Variants in ALDH18A1 observed in about 807,000 individuals in gnomAD.
ALDH18A1 encodes the protein aldehyde dehydrogenase 18 family member A1, also known as delta-1-pyrroline-5-carboxylate synthase.
In ALDH18A1, 44 loss-of-function variants were observed where a neutral mutation model predicts 88.8. The ratio of observed to expected loss-of-function variants is 0.50; its 90% CI spans 0.39 to 0.64. The LOEUF is 0.64. Among genes scored for constraint, ALDH18A1 ranks in the 30% least tolerant of loss-of-function variants. The pLI is 0.00. For synonymous variants in ALDH18A1, 331 were observed against 372.1 expected (o/e 0.89, Z 1.27); for missense variants, 782 against 1,009.5 (o/e 0.77, Z 3.05).
chr10:95,607,056 C>CA, intron 17 of ALDH18A1, 113 bp from the exon 18 acceptor site: 1 of 1,073,210 alleles, frequency 9.3e-7, no homozygotes, highest in South Asian at 1.3e-5. Context: ...TTCCTGCTAA[C>CA]TCCTCATCCA....
In ALDH18A1 at chr10:95,621,164, G is replaced by T; in HGVS notation, c.1334C>A (p.Ala445Asp). ...ACGTCCCACGCTGTCCTGGGAGGAG[G>T]CTGCGATCTGTCGCAGACCGATGGC... ...SLAIGLRQIA[A>D]SSQDSVGRVL... Residue 445 changes from alanine to aspartate, a missense_variant, in exon 12 of 18, where the codon GCC (alanine) becomes GAC (aspartate). By Grantham distance (126) the Ala-to-Asp change is moderately radical. Around this residue, in one of 3 missense-constraint regions of ALDH18A1, gnomAD observed 556 missense variants for 654.5 expected, o/e 0.85. Transcript: ENST00000371224. 2.5e-6 allele frequency: 4 copies of T among 1,614,102 alleles called. No homozygotes were observed. The highest frequency in any genetic ancestry group is 2.5e-6 in the Non-Finnish European group (3 of 1,180,022).
chr10:95,618,213 C>A (rs756675413), intron 12 of ALDH18A1, among the ~76,000 whole-genome samples: 11 of 152,122 alleles, frequency 7.2e-5, no homozygotes, highest in Non-Finnish European at 1.3e-4. Context: ...AAAGTGGGGC[C>A]ACTCTCTAAT....
Position 95,611,287 on chromosome 10 carries a change from G to A in ALDH18A1, c.2079C>T (p.Ser693=). Residue 693 remains serine, a synonymous_variant, in exon 16 of 18, where the codon AGC becomes AGT. Coordinates refer to ENST00000371224, the MANE Select transcript of ALDH18A1 (RefSeq NM_002860.4). Reference sequence around the variant, plus strand: ...CTGTGACGATGACATCCGTGTGGGAGCTGCCATACTTGTGGATGTGGTCAA... The same window carrying A: ...CTGTGACGATGACATCCGTGTGGGAACTGCCATACTTGTGGATGTGGTCAA... ...DAIDHIHKYG[S]SHTDVIVTED... 6.2e-7 allele frequency: 1 copy of A among 1,614,036 alleles called. No individual in the cohort carries two copies. Among genetic ancestry groups the A allele is most frequent in the Non-Finnish European group, 8.5e-7 (1 of 1,180,018 alleles).
At chr10:95,640,803 G>A (rs749031447) in intron 3 of ALDH18A1, among the ~76,000 whole-genome samples, 1 of 152,142 alleles carries the variant, frequency 6.6e-6, no homozygotes, top group Non-Finnish European at 1.5e-5. Flanking sequence ...AAAGAAAGCT[G>A]GTAACCTACG....
Position 95,621,211 on chromosome 10 carries a change from GGA to G in ALDH18A1, c.1285_1286del (p.Ser429HisfsTer52). ...TGGCCAGGCTGTTCAATTTGGATGT[GGA>G]GAGGCTTAAACGTTTCAGCAGAGGA... ...AAPLLKRLSL[S>X]TSKLNSLAIG... On this transcript the variant is annotated frameshift_variant, in exon 12 of 18. Coordinates refer to ENST00000371224, the MANE Select transcript of ALDH18A1 (RefSeq NM_002860.4). LOFTEE classifies it high-confidence loss of function. 1 of 1,613,980 alleles carries G rather than the reference GGA, an allele frequency of 6.2e-7. No individual in the cohort carries two copies. Among genetic ancestry groups the G allele is most frequent in the Non-Finnish European group, 8.5e-7 (1 of 1,179,974 alleles).
intron 12 of ALDH18A1, among the ~76,000 whole-genome samples, chr10:95,618,835 G>A (rs1225562972): frequency 6.6e-6 from 1 of 152,150 alleles, no homozygotes; most frequent in African/African-American, 2.4e-5. Flanking sequence ...ACTGTGGTAT[G>A]GTAGGTTGAT....
At chr10:95,642,954 C>T (rs1421470052) in intron 3 of ALDH18A1, 38 bp downstream of exon 3, 2 of 1,608,132 alleles carry the variant, frequency 1.2e-6, no homozygotes, top group East Asian at 4.5e-5. Context: ...CTTAAAAACC[C>T]AATTTTAGTA....
At chr10:95,620,766 A>G (rs2097850916) in intron 12 of ALDH18A1, among the ~76,000 whole-genome samples, 1 of 149,824 alleles carries the variant, frequency 6.7e-6, no homozygotes, top group South Asian at 2.2e-4. Context: ...CAGGGTGGGG[A>G]ACATCACACA....
At chr10:95,629,650 A>C (rs1410256788) in intron 7 of ALDH18A1, among the ~76,000 whole-genome samples, 2 of 152,218 alleles carry the variant, frequency 1.3e-5, no homozygotes, top group Non-Finnish European at 2.9e-5. Context: ...ATATTAGTAC[A>C]GGAAAGATTG....
intron 17 of ALDH18A1, among the ~76,000 whole-genome samples, chr10:95,607,709 T>C (rs543529812): frequency 6.6e-6 from 1 of 152,104 alleles, no homozygotes; most frequent in South Asian, 2.1e-4. Flanking sequence ...TCAAGTGCAG[T>C]GATGGGTGCT....
rs191166642 is a variant in ALDH18A1, at chr10:95,619,128, A to G, written c.1467+1903T>C. The stretch of plus-strand genomic sequence containing the variant: ...ACAAAATCAATGTGCAAAAATCACA[A>G]GCATTCCTATACATCAGTAACAGAC... On this transcript the variant is annotated intron_variant, in intron 12 of 17. Transcript: ENST00000371224. 1.8e-3 allele frequency among the ~76,000 whole-genome samples: 274 copies of G among 152,352 alleles called. 5 individuals are homozygous for G. The highest frequency in any genetic ancestry group is 6.1e-3 in the African/African-American group (253 of 41,584).
intron 14 of ALDH18A1, 51 bp downstream of exon 14, chr10:95,613,915 A>G: frequency 1.2e-6 from 2 of 1,614,248 alleles, no homozygotes; most frequent in African/African-American, 1.3e-5. Context: ...CCAGAGCTGC[A>G]GAGGATGTAA....
In ALDH18A1 at chr10:95,656,584, G is replaced by C. The variant is rs2097918482; in HGVS notation, c.-29+13C>G. The C allele has an allele frequency of 6.6e-6, 1 of 152,494 alleles. No individual in the cohort carries two copies. Among genetic ancestry groups the C allele is most frequent in the South Asian group, 2.1e-4 (1 of 4,838 alleles). The allele number at this position is 152,494 out of a possible 1,614,324, so 9.4% of individuals were successfully genotyped here. A position where few individuals can be genotyped will look rare whatever the true frequency, so the allele number is the denominator to read the frequency against. On this transcript the variant is annotated intron_variant, in intron 1 of 17. Coordinates refer to ENST00000371224, the MANE Select transcript of ALDH18A1 (RefSeq NM_002860.4). ...ACGCGGGCGCCTAGCCATCCCCGCC[G>C]CTCGCCGCGTACCTTCCTCACCACC...
chr10:95,632,337 T>C (rs907573684), intron 7 of ALDH18A1, among the ~76,000 whole-genome samples: 2 of 152,336 alleles, frequency 1.3e-5, no homozygotes, highest in South Asian at 2.1e-4. Context: ...TATGTGAATA[T>C]ACTAAAAATC....
At chr10:95,637,537 A>C in intron 3 of ALDH18A1, 101 bp from the exon 4 acceptor site, 2 of 1,381,814 alleles carry the variant, frequency 1.4e-6, no homozygotes, top group South Asian at 1.2e-5. Context: ...TAGATCCCAA[A>C]TGCTGGTTTA....
At position 95,639,051 on chromosome 10, in the gene ALDH18A1, G is replaced by A. The variant is rs543059335; in HGVS notation, c.304-1615C>T. 1.2e-4 allele frequency among the ~76,000 whole-genome samples: 18 copies of A among 152,196 alleles called. No homozygotes were observed. The South Asian group carries it at 3.7e-3, about 32-fold the overall frequency. ...TGGGATTACAGGTGTGAGCCACTGTGCCTGGCCCCGACAATAATATTTTAT... is the reference window on the plus strand; with the variant it reads ...TGGGATTACAGGTGTGAGCCACTGTACCTGGCCCCGACAATAATATTTTAT... On this transcript the variant is annotated intron_variant, in intron 3 of 17. Coordinates refer to ENST00000371224, the MANE Select transcript of ALDH18A1 (RefSeq NM_002860.4).
intron 9 of ALDH18A1, among the ~76,000 whole-genome samples, chr10:95,627,111 C>T (rs912451723): frequency 4.6e-5 from 7 of 152,054 alleles, no homozygotes; most frequent in Non-Finnish European, 8.8e-5. Context: ...CAATTCTGTC[C>T]TTTGTGAACA....
In ALDH18A1 at chr10:95,656,682, C is replaced by G. The variant is rs1258156767; in HGVS notation, c.-114G>C. ...GCTGATTCCGGCGCTCGCTCACTCT[C>G]TTTTTTCTTCCGTCCACGTCCCGCA... On this transcript the variant is annotated 5_prime_UTR_variant, in exon 1 of 18. Coordinates refer to ENST00000371224, the MANE Select transcript of ALDH18A1 (RefSeq NM_002860.4). 6.6e-6 allele frequency: 1 copy of G among 152,632 alleles called. No homozygotes were observed. Among genetic ancestry groups the G allele is most frequent in the Non-Finnish European group, 1.5e-5 (1 of 68,360 alleles). The allele number at this position is 152,632 out of a possible 1,614,324, so 9.5% of individuals were successfully genotyped here.
chr10:95,614,698 A>G (rs1348584338), intron 13 of ALDH18A1, among the ~76,000 whole-genome samples: 1 of 152,168 alleles, frequency 6.6e-6, no homozygotes, highest in African/African-American at 2.4e-5. Flanking sequence ...TGACTTAAAG[A>G]GCCTGTGAGA....
Sources: allele counts gnomAD v4.1 joint callset (sites outside exome capture counted in the v4.1 genomes callset), GRCh38; gene constraint gnomAD v4.1.1; regional missense constraint gnomAD v4.1.1; transcripts MANE v1.5; gene names NCBI Gene and HGNC (gene_info 2026-07-23, HGNC 2026-07-21).